The following PCDHA4 variants were observed in gnomAD, a reference collection of about 807,000 sequenced individuals.
The protein encoded by PCDHA4 is protocadherin alpha 4.
Under a neutral mutation model 61.4 loss-of-function variants are expected in PCDHA4, and 49 were observed. The ratio of observed to expected loss-of-function variants is 0.80; its 90% CI spans 0.63 to 1.01. The LOEUF is 1.01. Among genes scored for constraint, PCDHA4 ranks in the 50% least tolerant of loss-of-function variants. PCDHA4 has a pLI of 0.00. For missense variants in PCDHA4, 1,254 were observed against 1,235.8 expected, an observed-to-expected ratio of 1.01 and a Z score of -0.22; for synonymous variants, 590 against 550.3, an observed-to-expected ratio of 1.07 and a Z score of -1.01.
At chr5:140,953,810 C>T (rs918101590) in intron 1 of PCDHA4, among the ~76,000 whole-genome samples, 5 of 152,190 alleles carry the variant, frequency 3.3e-5, no homozygotes, top group South Asian at 2.1e-4. Context: ...TTCTGAGGTG[C>T]ATGTGCTAGT....
chr5:140,901,263 G>A (rs967047702), intron 1 of PCDHA4, among the ~76,000 whole-genome samples: 1 of 151,938 alleles, frequency 6.6e-6, no homozygotes, highest in Admixed American at 6.6e-5. Flanking sequence ...GTGATTGTGG[G>A]GTATTACTCA....
At chr5:140,840,489 C>T (rs2150307286) in intron 1 of PCDHA4, among the ~76,000 whole-genome samples, 6 of 151,924 alleles carry the variant, frequency 3.9e-5, no homozygotes, top group Non-Finnish European at 5.9e-5. Flanking sequence ...AGGCATAATT[C>T]TGGTAAATAC....
At position 140,807,843 on chromosome 5, in the gene PCDHA4, A is replaced by C; in HGVS notation, c.656A>C (p.Lys219Thr). ...FLVLTATDGG[K>T]PELTGTVQLL... ...GTGCTCACAGCCACTGATGGAGGCA[A>C]ACCCGAGTTGACTGGCACCGTTCAG... The change falls in exon 1 of 4, where the codon AAA (lysine) becomes ACA (threonine). Residue 219 changes from lysine to threonine, a missense_variant. Lys to Thr is a moderately conservative substitution (Grantham distance 78). Coordinates refer to ENST00000530339, the MANE Select transcript of PCDHA4 (RefSeq NM_018907.4). 6.2e-7 allele frequency: 1 copy of C among 1,614,202 alleles called. No homozygotes were observed. The highest frequency in any genetic ancestry group is 8.5e-7 in the Non-Finnish European group (1 of 1,180,030).
intron 1 of PCDHA4, chr5:140,842,835 C>A: frequency 1.3e-6 from 2 of 1,593,850 alleles, no homozygotes; most frequent in South Asian, 2.2e-5. Context: ...CGCTCGCTGT[C>A]GAGCTACATT....
intron 1 of PCDHA4, among the ~76,000 whole-genome samples, chr5:140,912,581 T>C (rs2075985656): frequency 6.6e-6 from 1 of 152,178 alleles, no homozygotes; most frequent in Admixed American, 6.5e-5. Flanking sequence ...CTTTTCCAAT[T>C]TGGATGCCCT....
rs1554262625 is a variant in PCDHA4, at chr5:141,009,974, T to A, written c.*37T>A. 3 of 1,585,642 alleles carry A rather than the reference T, an allele frequency of 1.9e-6. No homozygotes were observed. The highest frequency in any genetic ancestry group is 2.6e-6 in the Non-Finnish European group (3 of 1,169,212). ...GGAAACAAGCCACTTAGCCAGTTTT[T>A]GTAATAATGGCAAATCTCTCCCATG... On this transcript the variant is annotated 3_prime_UTR_variant, in exon 4 of 4. Transcript: ENST00000530339.
At chr5:140,877,631 C>A (rs1220029307) in intron 1 of PCDHA4, 2 of 1,613,768 alleles carry the variant, frequency 1.2e-6, no homozygotes, top group South Asian at 1.1e-5. Flanking sequence ...CTGTACACTG[C>A]GCTGCGTTGC....
chr5:140,819,116 C>T (rs1487263902), intron 1 of PCDHA4, among the ~76,000 whole-genome samples: 5 of 152,140 alleles, frequency 3.3e-5, no homozygotes, highest in African/African-American at 1.2e-4. Context: ...GGTATCCTTT[C>T]TTACTATCCT....
At chr5:140,921,856 GTA>G (rs1295273364) in intron 1 of PCDHA4, among the ~76,000 whole-genome samples, 4 of 151,824 alleles carry the variant, frequency 2.6e-5, no homozygotes, top group Non-Finnish European at 5.9e-5. Flanking sequence ...AGATGTGTGT[GTA>G]TATATACAGT....
intron 1 of PCDHA4, among the ~76,000 whole-genome samples, chr5:140,894,199 GC>G (rs2064359112): frequency 6.6e-6 from 1 of 151,732 alleles, no homozygotes; most frequent in Admixed American, 6.6e-5. Context: ...TTTTTTCTAT[GC>G]TATTATATTC....
chr5:140,841,492 G>T, intron 1 of PCDHA4: 1 of 1,613,200 alleles, frequency 6.2e-7, no homozygotes. Flanking sequence ...TGGAGCTGGC[G>T]GAGCTGGTGC....
At chr5:140,858,313 G>A (rs781800844) in intron 1 of PCDHA4, 1 of 1,597,108 alleles carries the variant, frequency 6.3e-7, no homozygotes, top group Non-Finnish European at 8.6e-7. Flanking sequence ...GGCGGCAGAG[G>A]GTGTGTTCTG....
At chr5:140,917,287 G>A (rs190210744) in intron 1 of PCDHA4, among the ~76,000 whole-genome samples, 51 of 147,686 alleles carry the variant, frequency 3.5e-4, no homozygotes, top group Admixed American at 7.7e-4. Flanking sequence ...ACGCTTTTCC[G>A]TGTGCAGATA....
chr5:140,955,493 T>G (rs1554221955), intron 1 of PCDHA4, among the ~76,000 whole-genome samples: 1 of 152,190 alleles, frequency 6.6e-6, no homozygotes, highest in African/African-American at 2.4e-5. Flanking sequence ...CCTGCCACCA[T>G]GTGAAGAAAG....
chr5:141,000,689 A>G (rs1469257297), intron 3 of PCDHA4, among the ~76,000 whole-genome samples: 1 of 151,438 alleles, frequency 6.6e-6, no homozygotes, highest in African/African-American at 2.4e-5. Context: ...CTGCCTCCCA[A>G]AGTGCTGGGA....
At chr5:140,985,648 C>G (rs185772569) in intron 3 of PCDHA4, among the ~76,000 whole-genome samples, 17 of 152,092 alleles carry the variant, frequency 1.1e-4, no homozygotes, top group African/African-American at 4.1e-4. Flanking sequence ...CCAACACTTG[C>G]AATGGCTGAA....
intron 1 of PCDHA4, among the ~76,000 whole-genome samples, chr5:140,826,082 A>G (rs1419827352): frequency 1.3e-5 from 2 of 152,204 alleles, no homozygotes; most frequent in Non-Finnish European, 2.9e-5. Context: ...ATTCAATTTT[A>G]TAAGTACCCT....
rs572205670 is a variant in PCDHA4 at position 140,933,229 on chromosome 5, G to A, written c.2386-45720G>A. ...TACATGTCTGTTATATTGCATTTAT[G>A]AAAAAGAAAGGACTATAAACACAAA... On this transcript the variant is annotated intron_variant, in intron 1 of 3. Coordinates refer to ENST00000530339, the MANE Select transcript of PCDHA4 (RefSeq NM_018907.4). Among the ~76,000 whole-genome samples, 114 of 151,958 alleles carry A rather than the reference G, an allele frequency of 7.5e-4. 1 individual carries two copies. The highest frequency in any genetic ancestry group is 1.5e-3 in the Non-Finnish European group (99 of 67,810).
chr5:140,929,289 G>C (rs574226775), intron 1 of PCDHA4: 2 of 1,597,364 alleles, frequency 1.3e-6, no homozygotes, highest in African/African-American at 2.7e-5. Flanking sequence ...TTCAGATTCG[G>C]AATAGGAAAG....
Sources: gnomAD v4.1 joint callset for allele counts (sites outside exome capture counted in the v4.1 genomes callset) on GRCh38, gnomAD v4.1.1 for gene constraint, MANE v1.5 for transcripts, NCBI Gene and HGNC (gene_info 2026-07-23, HGNC 2026-07-21) for gene names.